FREM3: variants seen among roughly 807,000 people sequenced by gnomAD.
FREM3 encodes the protein FRAS1 related extracellular matrix 3.
In FREM3, 105 loss-of-function variants were observed where a neutral mutation model predicts 129.1. The observed-to-expected ratio is 0.81, with a 90% CI of 0.69 to 0.96. The LOEUF is 0.96. FREM3 is among the 40% of genes least tolerant of loss of function. The pLI is 0.00. For missense variants in FREM3, 2,593 were observed against 2,666.3 expected, an observed-to-expected ratio of 0.97 and a Z score of 0.61; for synonymous variants, 1,014 against 1,044.9, an observed-to-expected ratio of 0.97 and a Z score of 0.57.
intron 2 of FREM3, among the ~76,000 whole-genome samples, chr4:143,632,290 A>G (rs184841319): frequency 3.5e-4 from 54 of 152,262 alleles, no homozygotes; most frequent in Non-Finnish European, 4.6e-4. Flanking sequence ...TGAAAGTGCT[A>G]TGCAAAAATC....
At chr4:143,619,794 C>T (rs1432954390) in intron 5 of FREM3, among the ~76,000 whole-genome samples, 1 of 151,982 alleles carries the variant, frequency 6.6e-6, no homozygotes, top group Non-Finnish European at 1.5e-5. Flanking sequence ...TTAAAGTTTC[C>T]ATCTGCCAAG....
intron 3 of FREM3, 25 bp from the exon 4 acceptor site, chr4:143,624,363 A>T (rs1336580453): frequency 7.1e-7 from 1 of 1,408,222 alleles, no homozygotes; most frequent in Admixed American, 2.0e-5. Flanking sequence ...GAAAACTATA[A>T]ATATAAAGCC....
At chr4:143,614,448 T>C (rs1374379027) in intron 5 of FREM3, among the ~76,000 whole-genome samples, 8 of 152,236 alleles carry the variant, frequency 5.3e-5, no homozygotes, top group Non-Finnish European at 8.8e-5. Context: ...TCTGTACATA[T>C]CCCGTATTTT....
At position 143,698,635 on chromosome 4, in the gene FREM3, C is replaced by T; in HGVS notation, c.2041G>A (p.Asp681Asn). 6.5e-7 allele frequency: 1 copy of T among 1,537,788 alleles called. No individual in the cohort carries two copies. Among genetic ancestry groups the T allele is most frequent in the Non-Finnish European group, 8.7e-7 (1 of 1,147,026 alleles). ...TGCTGTTTGGAGAGATTGGGTGGGT[C>T]ATGGTCATCCTGCACATGGAAAGCC... The part of the protein sequence containing the change: ...QLAFHVQDDH[D>N]PPNLSKQHIF... Residue 681 changes from aspartate to asparagine, a missense_variant, in exon 1 of 8, where the codon GAC (aspartate) becomes AAC (asparagine). Coordinates refer to ENST00000329798, the MANE Select transcript of FREM3 (RefSeq NM_001168235.2).
At chr4:143,639,092 GA>G (rs1214372522) in intron 2 of FREM3, among the ~76,000 whole-genome samples, 4 of 152,100 alleles carry the variant, frequency 2.6e-5, no homozygotes, top group Non-Finnish European at 5.9e-5. Context: ...GATAGATGTG[GA>G]AGTTTTAGAA....
rs1167486381 is a variant in FREM3, at chr4:143,658,673, C to T, written c.5276-30913G>A. ...CAGGATGGCTTTGAATGTGGCCCAACACAAATTTGTAAACTTTCTTAAAAC... is the reference window on the plus strand; with the variant it reads ...CAGGATGGCTTTGAATGTGGCCCAATACAAATTTGTAAACTTTCTTAAAAC... On this transcript the variant is annotated intron_variant, in intron 2 of 7. Coordinates refer to ENST00000329798, the MANE Select transcript of FREM3 (RefSeq NM_001168235.2). Among the ~76,000 whole-genome samples the T allele has an allele frequency of 2.0e-5, 3 of 152,228 alleles. No homozygotes were observed. The East Asian group carries it at 5.8e-4, about 29-fold the overall frequency.
intron 1 of FREM3, among the ~76,000 whole-genome samples, 166 bp from the exon 2 acceptor site, chr4:143,693,368 A>C (rs1740507496): frequency 1.3e-5 from 2 of 152,200 alleles, no homozygotes; most frequent in African/African-American, 4.8e-5. Context: ...TCAAAAACAA[A>C]ACTTTAGTTT....
chr4:143,646,298 A>G (rs1250143035), intron 2 of FREM3, among the ~76,000 whole-genome samples: 1 of 152,230 alleles, frequency 6.6e-6, no homozygotes, highest in Non-Finnish European at 1.5e-5. Context: ...GAGTTGCAAA[A>G]TTGATGCATT....
chr4:143,578,788 C>T (rs913944144), intron 7 of FREM3, among the ~76,000 whole-genome samples: 1 of 152,154 alleles, frequency 6.6e-6, no homozygotes, highest in African/African-American at 2.4e-5. Flanking sequence ...TCTTCAAAAG[C>T]ATCAAGGTGT....
At chr4:143,659,983 C>A (rs1402860558) in intron 2 of FREM3, among the ~76,000 whole-genome samples, 1 of 149,062 alleles carries the variant, frequency 6.7e-6, no homozygotes, top group African/African-American at 2.5e-5. Context: ...TGGATATTAG[C>A]CCTTTGTCAG....
chr4:143,636,457 A>G (rs1469408652), intron 2 of FREM3, among the ~76,000 whole-genome samples: 1 of 152,006 alleles, frequency 6.6e-6, no homozygotes, highest in Non-Finnish European at 1.5e-5. Flanking sequence ...TAAAGTGAAG[A>G]AAAATAGAAA....
rs539934035 is a variant in FREM3, at chr4:143,631,470, A to T, written c.5276-3710T>A. 7.2e-5 allele frequency among the ~76,000 whole-genome samples: 11 copies of T among 152,272 alleles called. 1 individual carries two copies. The South Asian group carries it at 2.3e-3, about 32-fold the overall frequency. On this transcript the variant is annotated intron_variant, in intron 2 of 7. Coordinates refer to ENST00000329798, the MANE Select transcript of FREM3 (RefSeq NM_001168235.2). ...GTGATTCTCCTGCCTCAGCCTCCTGAGTAACTGAGATTACAGGCAAACATT... is the reference window on the plus strand; with the variant it reads ...GTGATTCTCCTGCCTCAGCCTCCTGTGTAACTGAGATTACAGGCAAACATT...
chr4:143,579,883 A>G (rs1738101755), intron 7 of FREM3, among the ~76,000 whole-genome samples: 1 of 152,212 alleles, frequency 6.6e-6, no homozygotes, highest in Non-Finnish European at 1.5e-5. Flanking sequence ...CCCATGAATC[A>G]CTATCCCAAG....
intron 2 of FREM3, among the ~76,000 whole-genome samples, chr4:143,676,249 A>G (rs1349984911): frequency 1.3e-5 from 2 of 152,044 alleles, no homozygotes; most frequent in Non-Finnish European, 2.9e-5. Flanking sequence ...ATGCAAATCA[A>G]TAAACTTGAT....
intron 4 of FREM3, among the ~76,000 whole-genome samples, chr4:143,623,821 G>T (rs1253927139): frequency 6.6e-6 from 1 of 152,148 alleles, no homozygotes; most frequent in African/African-American, 2.4e-5. Context: ...TCTGGGAGCA[G>T]AGTTGCTTCG....
chr4:143,685,663 ACTT>A (rs1740350521), intron 2 of FREM3, among the ~76,000 whole-genome samples: 1 of 152,278 alleles, frequency 6.6e-6, no homozygotes. Context: ...CTGCAATAGT[ACTT>A]CACATTTCAA....
chr4:143,678,948 A>T (rs917334126), intron 2 of FREM3, among the ~76,000 whole-genome samples: 4 of 152,196 alleles, frequency 2.6e-5, no homozygotes, highest in African/African-American at 9.6e-5. Context: ...TCTTACATGT[A>T]TAAAAAGGAT....
intron 2 of FREM3, among the ~76,000 whole-genome samples, chr4:143,642,262 T>G (rs981766296): frequency 6.6e-6 from 1 of 152,186 alleles, no homozygotes; most frequent in Non-Finnish European, 1.5e-5. Flanking sequence ...ATACAATCCC[T>G]GTCAAAGTAC....
chr4:143,593,174 G>A (rs536995704), intron 6 of FREM3, among the ~76,000 whole-genome samples: 1 of 152,050 alleles, frequency 6.6e-6, no homozygotes, highest in Non-Finnish European at 1.5e-5. Flanking sequence ...TTTGCCATTG[G>A]TTCGAACTTC....
Sources: gnomAD v4.1 joint callset for allele counts (sites outside exome capture counted in the v4.1 genomes callset) on GRCh38, gnomAD v4.1.1 for gene constraint, MANE v1.5 for transcripts, NCBI Gene and HGNC (gene_info 2026-07-23, HGNC 2026-07-21) for gene names.